Variants in LHFPL3 observed in about 807,000 individuals in gnomAD.
The protein encoded by LHFPL3 is LHFPL tetraspan subfamily member 3 protein.
A neutral mutation model predicts 19.3 loss-of-function variants in LHFPL3; 5 were observed. The ratio of observed to expected loss-of-function variants is 0.26; its 90% CI spans 0.14 to 0.54. LHFPL3 has a LOEUF of 0.54. Ranked by LOEUF, LHFPL3 falls within the 20% of genes least tolerant of loss-of-function variation. The pLI, the probability that LHFPL3 is intolerant of heterozygous loss-of-function variation, is 0.94. For synonymous variants in LHFPL3, 133 were observed against 126.2 expected, an observed-to-expected ratio of 1.05 and a Z score of -0.36; for missense variants, 249 against 307.4, an observed-to-expected ratio of 0.81 and a Z score of 1.42.
chr7:104,754,588 A>G (rs1342720815), intron 2 of LHFPL3, among the ~76,000 whole-genome samples: 1 of 152,252 alleles, frequency 6.6e-6, no homozygotes, highest in Non-Finnish European at 1.5e-5. Context: ...AGTGAGGTTT[A>G]AAACACATAA....
At chr7:104,811,918 T>C (rs1790478030) in intron 2 of LHFPL3, among the ~76,000 whole-genome samples, 1 of 152,248 alleles carries the variant, frequency 6.6e-6, no homozygotes, top group African/African-American at 2.4e-5. Context: ...AAAGTAAGTC[T>C]GCTGAATTAA....
At chr7:104,757,134 C>A (rs1794300545) in intron 2 of LHFPL3, among the ~76,000 whole-genome samples, 2 of 152,132 alleles carry the variant, frequency 1.3e-5, no homozygotes, top group African/African-American at 4.8e-5. Flanking sequence ...ATAAATAGTG[C>A]TGGGATAGCT....
chr7:104,436,873 T>C (rs1466705736), intron 1 of LHFPL3, among the ~76,000 whole-genome samples: 1 of 152,230 alleles, frequency 6.6e-6, no homozygotes, highest in Non-Finnish European at 1.5e-5. Flanking sequence ...CTAAAATTCT[T>C]TGTTTAAAAG....
rs146395719 is a variant in LHFPL3, at chr7:104,844,053, C to A, written c.683-62134C>A. Among the ~76,000 whole-genome samples, 35 of 152,316 alleles carry A rather than the reference C, an allele frequency of 2.3e-4. No individual in the cohort carries two copies. In the East Asian group the frequency reaches 6.2e-3, roughly 27 times the overall value. ...ACTCAAGCCCAGGTCATCCACAGGG[C>A]ATTTTGCTTGCAGGTACCTTTTAGA... On this transcript the variant is annotated intron_variant, in intron 2 of 2. Transcript: ENST00000424859.
At chr7:104,868,517 A>G (rs1248150482) in intron 2 of LHFPL3, among the ~76,000 whole-genome samples, 1 of 152,242 alleles carries the variant, frequency 6.6e-6, no homozygotes, top group Non-Finnish European at 1.5e-5. Flanking sequence ...CCAACTTACA[A>G]GGGACGTGAA....
intron 2 of LHFPL3, among the ~76,000 whole-genome samples, chr7:104,816,125 GAAC>G (rs1194371304): frequency 6.6e-6 from 1 of 152,060 alleles, no homozygotes; most frequent in East Asian, 1.9e-4. Flanking sequence ...CATCCCAAAA[GAAC>G]AACTTGAAGA....
At chr7:104,795,211 T>C (rs1790099307) in intron 2 of LHFPL3, among the ~76,000 whole-genome samples, 1 of 152,178 alleles carries the variant, frequency 6.6e-6, no homozygotes, top group African/African-American at 2.4e-5. Context: ...AGAAGTGTAT[T>C]ATTTGGTCTT....
At chr7:104,851,637 C>T (rs151020259) in intron 2 of LHFPL3, among the ~76,000 whole-genome samples, 177 of 152,334 alleles carry the variant, frequency 1.2e-3, no homozygotes, top group African/African-American at 4.0e-3. Flanking sequence ...TCTGGGCCTA[C>T]TGGGAGCTCC....
chr7:104,563,396 T>A (rs1191441017), intron 1 of LHFPL3, among the ~76,000 whole-genome samples: 6 of 152,312 alleles, frequency 3.9e-5, no homozygotes, highest in African/African-American at 9.6e-5. Flanking sequence ...GCACCGTTTT[T>A]TAAGCCCGTC....
chr7:104,576,170 A>C (rs6980286), intron 1 of LHFPL3, among the ~76,000 whole-genome samples: 4,624 of 152,262 alleles, frequency 0.03, 244 homozygotes, highest in African/African-American at 0.11. Context: ...GGAAAAAAAA[A>C]TTAGAAAAAA....
chr7:104,412,778 T>G (rs1791555974), intron 1 of LHFPL3, among the ~76,000 whole-genome samples: 1 of 152,194 alleles, frequency 6.6e-6, no homozygotes, highest in Non-Finnish European at 1.5e-5. Flanking sequence ...TTCTATTTTT[T>G]TATCTCACAG....
At chr7:104,476,876 A>G (rs1039180276) in intron 1 of LHFPL3, among the ~76,000 whole-genome samples, 2 of 152,222 alleles carry the variant, frequency 1.3e-5, no homozygotes, top group African/African-American at 4.8e-5. Flanking sequence ...AGAAGCACGT[A>G]TCAGGGCAAT....
intron 1 of LHFPL3, among the ~76,000 whole-genome samples, chr7:104,630,408 A>G (rs1436867368): frequency 1.3e-5 from 2 of 152,190 alleles, no homozygotes; most frequent in Non-Finnish European, 2.9e-5. Flanking sequence ...ATGTGAGAAT[A>G]TAGGTCACCT....
At chr7:104,569,951 A>G (rs1356590573) in intron 1 of LHFPL3, among the ~76,000 whole-genome samples, 3 of 152,262 alleles carry the variant, frequency 2.0e-5, no homozygotes, top group Non-Finnish European at 4.4e-5. Flanking sequence ...AAGAATAATC[A>G]TAAGCTCATG....
At chr7:104,672,402 T>C (rs1792501925) in intron 1 of LHFPL3, among the ~76,000 whole-genome samples, 1 of 152,202 alleles carries the variant, frequency 6.6e-6, no homozygotes, top group South Asian at 2.1e-4. Flanking sequence ...TCCTAGTTCA[T>C]CTTGGTGTTC....
rs530233396 is a variant in LHFPL3, at chr7:104,400,694, C to A, written c.445+71470C>A. Among the ~76,000 whole-genome samples the A allele has an allele frequency of 6.6e-4, 100 of 152,238 alleles. 1 individual carries two copies. Among genetic ancestry groups the A allele is most frequent in the Middle Eastern group, 3.4e-3 (1 of 294 alleles). ...CTCAGCCAGACTAACAACTCAAATA[C>A]CCCTCAGCATGATCTAAATTGACCT... On this transcript the variant is annotated intron_variant, in intron 1 of 2. Coordinates refer to ENST00000424859, the MANE Select transcript of LHFPL3 (RefSeq NM_199000.3).
At chr7:104,850,554 C>T (rs1252369666) in intron 2 of LHFPL3, among the ~76,000 whole-genome samples, 1 of 152,194 alleles carries the variant, frequency 6.6e-6, no homozygotes, top group East Asian at 1.9e-4. Context: ...CACCCTGATG[C>T]AGAGGGCTTC....
At chr7:104,626,911 A>G (rs1791555938) in intron 1 of LHFPL3, among the ~76,000 whole-genome samples, 3 of 152,200 alleles carry the variant, frequency 2.0e-5, no homozygotes, top group Admixed American at 6.6e-5. Flanking sequence ...ATGTTTTGAT[A>G]TATATAGACC....
chr7:104,420,407 A>C (rs780550329), intron 1 of LHFPL3, among the ~76,000 whole-genome samples: 1 of 152,208 alleles, frequency 6.6e-6, no homozygotes, highest in Non-Finnish European at 1.5e-5. Flanking sequence ...GGTAACAAAG[A>C]GGATTTTTAA....
Sources: gnomAD v4.1 joint callset for allele counts (sites outside exome capture counted in the v4.1 genomes callset) on GRCh38, gnomAD v4.1.1 for gene constraint, MANE v1.5 for transcripts, NCBI Gene and HGNC (gene_info 2026-07-23, HGNC 2026-07-21) for gene names.